The following EPHB2 variants were observed in gnomAD, a reference collection of about 807,000 sequenced individuals.
EPHB2 encodes the protein EPH receptor B2.
In EPHB2, 18 loss-of-function variants were observed where a neutral mutation model predicts 96.4. That is an observed-to-expected ratio of 0.19 (90% CI 0.13 to 0.28). The LOEUF is 0.28. Among genes scored for constraint, EPHB2 ranks in the 10% least tolerant of loss-of-function variants. The probability of loss-of-function intolerance (pLI) is 1.00; values close to 1 mark genes in which losing one functional copy is unlikely to be tolerated. For synonymous variants in EPHB2, 506 were observed against 534.1 expected (o/e 0.95, Z 0.72); for missense variants, 989 against 1,355.4 (o/e 0.73, Z 4.25).
At chr1:22,752,175 A>T (rs1644073863) in intron 1 of EPHB2, among the ~76,000 whole-genome samples, 1 of 152,226 alleles carries the variant, frequency 6.6e-6, no homozygotes, top group African/African-American at 2.4e-5. Flanking sequence ...GATTGTTTTT[A>T]TTCCTTGTGT....
intron 3 of EPHB2, among the ~76,000 whole-genome samples, chr1:22,792,390 G>A (rs924743312): frequency 2.0e-5 from 3 of 152,270 alleles, no homozygotes; most frequent in East Asian, 3.9e-4. Flanking sequence ...AAGGAGGGGG[G>A]ACAGACAACT....
chr1:22,882,648 C>G, intron 6 of EPHB2, 165 bp downstream of exon 6: 4 of 1,075,534 alleles, frequency 3.7e-6, no homozygotes, highest in Non-Finnish European at 5.3e-6. Context: ...CAGCTCCGCT[C>G]CTTCCCACTG....
chr1:22,807,796 A>G (rs1395020669), intron 3 of EPHB2, among the ~76,000 whole-genome samples: 2 of 152,228 alleles, frequency 1.3e-5, no homozygotes, highest in African/African-American at 4.8e-5. Flanking sequence ...CAAAGAGGAC[A>G]GTGGGGCAAA....
chr1:22,793,078 T>C (rs1167302656), intron 3 of EPHB2, among the ~76,000 whole-genome samples: 1 of 152,128 alleles, frequency 6.6e-6, no homozygotes, highest in Admixed American at 6.5e-5. Flanking sequence ...GTCAGTCACC[T>C]CAGTCCTCTC....
intron 6 of EPHB2, among the ~76,000 whole-genome samples, chr1:22,885,722 A>G (rs1012365978): frequency 6.6e-6 from 1 of 151,588 alleles, no homozygotes; most frequent in South Asian, 2.1e-4. Flanking sequence ...ATGACCTTTA[A>G]GAGGTAGACA....
intron 9 of EPHB2, among the ~76,000 whole-genome samples, chr1:22,898,180 T>C (rs191738208): frequency 1.9e-4 from 29 of 150,200 alleles, no homozygotes; most frequent in Middle Eastern, 3.5e-3. Flanking sequence ...GAAATACATG[T>C]CATAAATGCA....
At chr1:22,877,359 GGTT>G (rs1188354340) in intron 5 of EPHB2, among the ~76,000 whole-genome samples, 1 of 152,246 alleles carries the variant, frequency 6.6e-6, no homozygotes, top group Non-Finnish European at 1.5e-5. Context: ...TGAAGCATGT[GGTT>G]TGCTGTTAGC....
intron 3 of EPHB2, among the ~76,000 whole-genome samples, chr1:22,788,807 C>T (rs116138243): frequency 0.014 from 1,984 of 145,702 alleles, 51 homozygotes; most frequent in African/African-American, 0.049. Flanking sequence ...CAGGCTGGAG[C>T]GTAGTGGTGC....
In EPHB2 at chr1:22,875,719, A is replaced by G. The variant is rs1638817197; in HGVS notation, c.1304-6640A>G. Among the ~76,000 whole-genome samples, 1 of 152,108 alleles carries G rather than the reference A, an allele frequency of 6.6e-6. No individual in the cohort carries two copies. Among genetic ancestry groups the G allele is most frequent in the South Asian group, 2.1e-4 (1 of 4,816 alleles). On this transcript the variant is annotated intron_variant, in intron 5 of 15. Transcript: ENST00000374630. The surrounding 1 kb of genome is among the most constrained non-coding windows in gnomAD (Gnocchi z 4.2). ...CCTACTCCAAGCCACACACTGTTTC[A>G]GGCTCTGGGGATAAAGGATTGAATG...
chr1:22,798,116 AT>A (rs1260575043), intron 3 of EPHB2, among the ~76,000 whole-genome samples: 1 of 152,166 alleles, frequency 6.6e-6, no homozygotes, highest in African/African-American at 2.4e-5. Context: ...TTTGTTCACC[AT>A]TGTATTTCCA....
At chr1:22,799,740 A>G (rs1161632713) in intron 3 of EPHB2, among the ~76,000 whole-genome samples, 1 of 152,192 alleles carries the variant, frequency 6.6e-6, no homozygotes, top group African/African-American at 2.4e-5. Flanking sequence ...AGCAGGAGGT[A>G]TGACCTGGGT....
Position 22,794,903 on chromosome 1 carries a change from CT to C in EPHB2, c.811+9828del, listed in dbSNP as rs538242702. On this transcript the variant is annotated intron_variant, in intron 3 of 15. Coordinates refer to ENST00000374630, the MANE Select transcript of EPHB2 (RefSeq NM_017449.5). Reference sequence around the variant, plus strand: ...TTTTCATCTGGCTGGGCTTTAGAATCTGGCAAGAGAGGCCCGTTGATTGAGG... The same window carrying C: ...TTTTCATCTGGCTGGGCTTTAGAATCGGCAAGAGAGGCCCGTTGATTGAGG... Among the ~76,000 whole-genome samples, 215 of 152,366 alleles carry C rather than the reference CT, an allele frequency of 1.4e-3. 2 individuals are homozygous for C. The highest frequency in any genetic ancestry group is 4.9e-3 in the African/African-American group (204 of 41,584).
chr1:22,781,295 G>C (rs1313380137), intron 1 of EPHB2, 126 bp from the exon 2 acceptor site: 1 of 938,512 alleles, frequency 1.1e-6, no homozygotes, highest in Non-Finnish European at 1.6e-6. Context: ...ACTCCAGCCT[G>C]GGCGACAGAG....
At chr1:22,811,226 T>G (rs183940037) in intron 3 of EPHB2, among the ~76,000 whole-genome samples, 1 of 152,298 alleles carries the variant, frequency 6.6e-6, no homozygotes, top group Non-Finnish European at 1.5e-5. Flanking sequence ...CATCCTGTGC[T>G]TTGGGTACCA....
chr1:22,836,957 GA>G (rs1645394537), intron 3 of EPHB2: 1 of 152,288 alleles, frequency 6.6e-6, no homozygotes, highest in Non-Finnish European at 1.5e-5. Flanking sequence ...CAAAGATGCA[GA>G]CAAAGTCCTG....
chr1:22,912,790 C>G, intron 15 of EPHB2, 191 bp downstream of exon 15: 1 of 755,332 alleles, frequency 1.3e-6, no homozygotes, highest in Non-Finnish European at 2.2e-6. Flanking sequence ...CCTACAAGCT[C>G]TGTGACCTTG....
intron 1 of EPHB2, among the ~76,000 whole-genome samples, chr1:22,781,068 C>T (rs1644523370): frequency 6.6e-6 from 1 of 151,760 alleles, no homozygotes; most frequent in South Asian, 2.1e-4. Context: ...CGCCTGTACT[C>T]CCAGCACTTT....
At chr1:22,712,453 C>T (rs1643178915) in intron 1 of EPHB2, among the ~76,000 whole-genome samples, 1 of 152,204 alleles carries the variant, frequency 6.6e-6, no homozygotes, top group African/African-American at 2.4e-5. Flanking sequence ...TTCTTGCAGC[C>T]TAAGAAAAAA....
At chr1:22,842,356 G>A (rs185317611) in intron 3 of EPHB2, among the ~76,000 whole-genome samples, 3 of 152,242 alleles carry the variant, frequency 2.0e-5, no homozygotes, top group Middle Eastern at 3.4e-3. Context: ...TCACTACCTC[G>A]CATTCGCGTG....
Sources: allele counts gnomAD v4.1 joint callset (sites outside exome capture counted in the v4.1 genomes callset), GRCh38; gene constraint gnomAD v4.1.1; non-coding constraint Gnocchi (gnomAD v3.1); transcripts MANE v1.5; gene names NCBI Gene and HGNC (gene_info 2026-07-23, HGNC 2026-07-21).